Variants in HERC4 observed in about 807,000 individuals in gnomAD.
HERC4 encodes the protein HECT and RLD domain containing E3 ubiquitin protein ligase 4, also known as probable E3 ubiquitin-protein ligase HERC4.
Under a neutral mutation model 124.3 loss-of-function variants are expected in HERC4, and 28 were observed. The ratio of observed to expected loss-of-function variants is 0.23; its 90% CI spans 0.17 to 0.31. HERC4 has a LOEUF of 0.31. HERC4 is among the 10% of genes least tolerant of loss of function. The pLI is 1.00. For missense variants in HERC4, 713 were observed against 1,229.3 expected, an observed-to-expected ratio of 0.58 and a Z score of 6.28; for synonymous variants, 407 against 421.5, an observed-to-expected ratio of 0.97 and a Z score of 0.42.
intron 19 of HERC4, 128 bp downstream of exon 19, chr10:67,954,467 G>T: frequency 1.5e-6 from 1 of 669,432 alleles, no homozygotes; most frequent in Non-Finnish European, 2.3e-6. Context: ...TTCTCAAATT[G>T]TAATAAAGCA....
chr10:68,065,891 T>C (rs1023755996), intron 3 of HERC4, among the ~76,000 whole-genome samples: 1 of 146,554 alleles, frequency 6.8e-6, no homozygotes, highest in Non-Finnish European at 1.5e-5. Flanking sequence ...TCTGTATAAT[T>C]ACACACAGCA....
intron 23 of HERC4, among the ~76,000 whole-genome samples, chr10:67,927,403 TATATATATATATATATA>T (rs2031153397): frequency 1.9e-3 from 40 of 20,702 alleles, no homozygotes; most frequent in African/African-American, 3.0e-3. Flanking sequence ...TATATATATA[TATATATATATATATATA>T]TATATATATA....
chr10:67,952,663 C>T (rs1159794667), intron 19 of HERC4, among the ~76,000 whole-genome samples: 4 of 151,902 alleles, frequency 2.6e-5, no homozygotes, highest in Admixed American at 2.6e-4. Flanking sequence ...CTTTGGAAGG[C>T]CAAGGCAGGT....
At chr10:67,991,104 T>G (rs2036526697) in intron 12 of HERC4, 36 bp downstream of exon 12, 4 of 1,447,164 alleles carry the variant, frequency 2.8e-6, no homozygotes, top group East Asian at 4.7e-5. Context: ...GACAATAAAT[T>G]TGAAAATTTC....
intron 8 of HERC4, among the ~76,000 whole-genome samples, chr10:68,018,090 T>G (rs902361482): frequency 1.3e-5 from 2 of 151,770 alleles, no homozygotes; most frequent in African/African-American, 4.8e-5. Flanking sequence ...AAGAAAAAAA[T>G]TATAGATCAA....
chr10:68,010,556 C>T (rs1190833423), intron 9 of HERC4: 27 of 1,025,590 alleles, frequency 2.6e-5, no homozygotes, highest in Non-Finnish European at 3.7e-5. Context: ...GGAACACATT[C>T]TCCAGGTTCT....
At chr10:68,013,897 T>A (rs1219500661) in intron 9 of HERC4, 129 bp downstream of exon 9, 1 of 711,874 alleles carries the variant, frequency 1.4e-6, no homozygotes, top group African/African-American at 1.8e-5. Flanking sequence ...TATACATTGT[T>A]CTATATTTTG....
intron 3 of HERC4, among the ~76,000 whole-genome samples, chr10:68,064,096 A>G (rs1013156746): frequency 3.9e-5 from 6 of 151,990 alleles, no homozygotes; most frequent in African/African-American, 1.4e-4. Context: ...TACAAAAATT[A>G]GCCAGGGATG....
intron 16 of HERC4, among the ~76,000 whole-genome samples, chr10:67,960,238 C>T (rs920888424): frequency 4.6e-5 from 7 of 152,176 alleles, no homozygotes; most frequent in Admixed American, 3.9e-4. Flanking sequence ...ACATCTATGC[C>T]AGGAAAGTAA....
intron 9 of HERC4, among the ~76,000 whole-genome samples, chr10:68,004,276 G>A (rs1201817948): frequency 1.3e-5 from 2 of 152,156 alleles, no homozygotes; most frequent in Non-Finnish European, 2.9e-5. Context: ...CAACAGAGTT[G>A]TCTTTATATA....
chr10:68,007,036 TA>T (rs2037613716), intron 9 of HERC4, among the ~76,000 whole-genome samples: 1 of 152,212 alleles, frequency 6.6e-6, no homozygotes, highest in Admixed American at 6.5e-5. Flanking sequence ...AAAAGGTCTC[TA>T]TTATTAGCTC....
chr10:67,990,070 A>C (rs1230292673), intron 14 of HERC4, 141 bp downstream of exon 14: 2 of 601,298 alleles, frequency 3.3e-6, no homozygotes, highest in Non-Finnish European at 5.6e-6. Context: ...GACAAAAGCA[A>C]GAAAAGGAAA....
intron 3 of HERC4, among the ~76,000 whole-genome samples, chr10:68,064,309 T>G (rs1321175715): frequency 6.6e-6 from 1 of 151,686 alleles, no homozygotes; most frequent in Admixed American, 6.6e-5. Context: ...ATCCCAGCAA[T>G]TTGGGATGTC....
intron 8 of HERC4, among the ~76,000 whole-genome samples, chr10:68,022,254 C>T (rs1357225598): frequency 1.3e-5 from 2 of 152,104 alleles, no homozygotes; most frequent in African/African-American, 4.8e-5. Context: ...AATCCCAACA[C>T]TTTGGGAGGC....
chr10:68,066,742 C>T (rs2041322391), intron 3 of HERC4, among the ~76,000 whole-genome samples: 1 of 152,046 alleles, frequency 6.6e-6, no homozygotes, highest in Non-Finnish European at 1.5e-5. Context: ...GGGATATATA[C>T]AATATATAAC....
intron 21 of HERC4, among the ~76,000 whole-genome samples, chr10:67,938,970 C>A (rs1205167967): frequency 6.6e-6 from 1 of 151,878 alleles, no homozygotes; most frequent in African/African-American, 2.4e-5. Context: ...ACAAAAAAAA[C>A]CACATCCCTT....
At chr10:67,991,269 G>T (rs1485431157) in intron 11 of HERC4, 70 bp from the exon 12 acceptor site, 6 of 815,590 alleles carry the variant, frequency 7.4e-6, no homozygotes, top group African/African-American at 3.6e-5. Context: ...TCTTAAAAAA[G>T]AATTAAAATG....
intron 3 of HERC4, among the ~76,000 whole-genome samples, chr10:68,063,218 T>C (rs2041124415): frequency 6.6e-6 from 1 of 152,210 alleles, no homozygotes; most frequent in Non-Finnish European, 1.5e-5. Context: ...TACTTTATTA[T>C]TTATTTTTTT....
intron 15 of HERC4, among the ~76,000 whole-genome samples, chr10:67,975,505 A>G (rs1481949281): frequency 6.6e-6 from 1 of 152,058 alleles, no homozygotes; most frequent in African/African-American, 2.4e-5. Flanking sequence ...GCCCACCACC[A>G]TGCCCAGCTA....
Sources: allele counts gnomAD v4.1 joint callset (sites outside exome capture counted in the v4.1 genomes callset), GRCh38; gene constraint gnomAD v4.1.1; transcripts MANE v1.5; gene names NCBI Gene and HGNC (gene_info 2026-07-23, HGNC 2026-07-21).